The following RFESD variants were observed in gnomAD, a reference collection of about 807,000 sequenced individuals.
The protein encoded by RFESD is Rieske Fe-S domain containing.
In RFESD, 16 loss-of-function variants were observed where a neutral mutation model predicts 24.4. The ratio of observed to expected loss-of-function variants is 0.66; its 90% confidence interval spans 0.44 to 1.00. The LOEUF (loss-of-function observed/expected upper bound fraction) is 1.00. Among genes scored for constraint, RFESD ranks in the 50% least tolerant of loss-of-function variants. The pLI is 0.00. For synonymous variants in RFESD, 59 were observed against 81.8 expected (o/e 0.72, Z 1.50); for missense variants, 208 against 247.0 (o/e 0.84, Z 1.06).
At chr5:95,649,024 TC>T (rs1400322911) in intron 1 of RFESD, among the ~76,000 whole-genome samples, 1 of 151,856 alleles carries the variant, frequency 6.6e-6, no homozygotes, top group Non-Finnish European at 1.5e-5. Context: ...ACAGGCACAT[TC>T]TCTGAGGATA....
chr5:95,656,369 C>G lies in RFESD; in HGVS notation c.*60C>G. On this transcript the variant is annotated 3_prime_UTR_variant, in exon 6 of 6. Transcript: ENST00000380005. ...GCTTGAAAACATTTTTAGAATAACT[C>G]TGCTTCAGTTTTAAAGGTGATGAAA... is the stretch of plus-strand genomic sequence containing the variant. 2 of 1,377,430 alleles carry G rather than the reference C, an allele frequency of 1.5e-6. No individual in the cohort carries two copies. Among genetic ancestry groups the G allele is most frequent in the South Asian group, 1.4e-5 (1 of 73,732 alleles). The allele number at this position is 1,377,430 out of a possible 1,614,324, so 85.3% of individuals were successfully genotyped here.
At chr5:95,650,304 ATGTG>A (rs763379132) in intron 1 of RFESD, among the ~76,000 whole-genome samples, 27 of 152,194 alleles carry the variant, frequency 1.8e-4, no homozygotes, top group Admixed American at 1.1e-3. Context: ...TCTAAGTTTG[ATGTG>A]TGTAATGCCT....
rs938369279 is a variant in RFESD at position 95,652,222 on chromosome 5, C to G, written c.-50C>G. ...TTCATTTGATTAGCAATAGATTGGA[C>G]ACTCTACTGATCTTGCCTCTCTACA... On this transcript the variant is annotated 5_prime_UTR_variant, in exon 2 of 6. Coordinates refer to ENST00000380005, the MANE Select transcript of RFESD (RefSeq NM_001131066.2). 6.6e-7 allele frequency: 1 copy of G among 1,523,996 alleles called. No homozygotes were observed. Among genetic ancestry groups the G allele is most frequent in the Non-Finnish European group, 8.9e-7 (1 of 1,129,268 alleles). 94.4% of individuals were successfully genotyped at this position (1,523,996 alleles called of 1,614,324 possible).
Position 95,649,146 on chromosome 5 carries a change from A to G in RFESD, c.-136+2329A>G, listed in dbSNP as rs542729188. On this transcript the variant is annotated intron_variant, in intron 1 of 5. Transcript: ENST00000380005. ...AGAATAATTTTAATTATAAGAAAAA[A>G]GTAAATACTTTTAGACATTTAAGAA... 2.0e-5 allele frequency among the ~76,000 whole-genome samples: 3 copies of G among 152,288 alleles called. No individual in the cohort carries two copies. In the East Asian group the frequency reaches 5.8e-4, roughly 29 times the overall value.
intron 1 of RFESD, chr5:95,647,058 T>A (rs1295974794): frequency 6.6e-6 from 1 of 152,204 alleles, no homozygotes; most frequent in Non-Finnish European, 1.5e-5. Context: ...ACCTGCCACC[T>A]AAGGGGGGTA....
chr5:95,652,169 A>G lies in RFESD; in HGVS notation c.-103A>G. ...CCTATTTGCAATTCAAGGAGAATAT[A>G]AGACAGAGAAGAAAGCTGTGAATGA... is the stretch of plus-strand genomic sequence containing the variant. On this transcript the variant is annotated 5_prime_UTR_variant, in exon 2 of 6. It adds an upstream start codon to the 5' untranslated region. Transcript: ENST00000380005. 1 of 1,409,794 alleles carries G rather than the reference A, an allele frequency of 7.1e-7. No homozygotes were observed. Among genetic ancestry groups the G allele is most frequent in the Non-Finnish European group, 9.4e-7 (1 of 1,060,474 alleles). The allele number at this position is 1,409,794 out of a possible 1,614,324, so 87.3% of individuals were successfully genotyped here. A position where few individuals can be genotyped will look rare whatever the true frequency, so the allele number is the denominator to read the frequency against.
intron 5 of RFESD, chr5:95,655,382 A>G (rs1750684042): frequency 6.6e-6 from 1 of 152,206 alleles, no homozygotes; most frequent in Non-Finnish European, 1.5e-5. Context: ...TCAGTCCATA[A>G]TGAGAGCTTG....
chr5:95,652,303 C>G lies in RFESD; in HGVS notation c.32C>G (p.Pro11Arg). Residue 11 changes from proline to arginine, a missense_variant, in exon 2 of 6, where the codon CCT becomes CGT. Coordinates refer to ENST00000380005, the MANE Select transcript of RFESD (RefSeq NM_001131066.2). ...AAGTGTTTCAGGAATTGTCTTAGAC[C>G]TTCTTCCTTATCTACACTTCCTCTC... MLKCFRNCLR[P>R]SSLSTLPLQY... 6.4e-7 allele frequency: 1 copy of G among 1,550,552 alleles called. No individual in the cohort carries two copies.
intron 1 of RFESD, among the ~76,000 whole-genome samples, chr5:95,649,424 T>C (rs1295301763): frequency 6.6e-6 from 1 of 152,194 alleles, no homozygotes; most frequent in Non-Finnish European, 1.5e-5. Flanking sequence ...ATGGGTTTTG[T>C]GTTGTTTTTG....
In RFESD at chr5:95,654,002, T is replaced by C. The variant is rs1750542513; in HGVS notation, c.159-59T>C. On this transcript the variant is annotated intron_variant, in intron 3 of 5. Coordinates refer to ENST00000380005, the MANE Select transcript of RFESD (RefSeq NM_001131066.2). ...TATTCATTCTTAGGGTTATCTCCATTAAGCTGGAACCAAATTAGTGAATAC... is the reference window on the plus strand; with the variant it reads ...TATTCATTCTTAGGGTTATCTCCATCAAGCTGGAACCAAATTAGTGAATAC... 5.5e-6 allele frequency: 8 copies of C among 1,466,568 alleles called. No homozygotes were observed. The Admixed American group carries it at 1.5e-4, about 28-fold the overall frequency. The allele number at this position is 1,466,568 out of a possible 1,614,324, so 90.8% of individuals were successfully genotyped here. A position where few individuals can be genotyped will look rare whatever the true frequency, so the allele number is the denominator to read the frequency against.
In RFESD at chr5:95,652,321, T is replaced by G; in HGVS notation, c.50T>G (p.Leu17Arg). ...NCLRPSSLST[L>R]PLQYGILFPK... ...CTTAGACCTTCTTCCTTATCTACAC[T>G]TCCTCTCCAAGTGAGTCCATAGAAT... The change falls in exon 2 of 6, where the codon CTT becomes CGT. Residue 17 changes from leucine to arginine, a missense_variant. By Grantham distance (102) the Leu-to-Arg change is moderately radical. Transcript: ENST00000380005. The G allele has an allele frequency of 1.3e-6, 2 of 1,551,006 alleles. No individual in the cohort carries two copies. Among genetic ancestry groups the G allele is most frequent in the South Asian group, 1.2e-5 (1 of 83,942 alleles).
intron 1 of RFESD, among the ~76,000 whole-genome samples, chr5:95,648,733 C>T (rs910515213): frequency 1.3e-5 from 2 of 152,096 alleles, no homozygotes; most frequent in East Asian, 1.9e-4. Flanking sequence ...ACCAGTTTGT[C>T]GGGTTGGAGG....
intron 3 of RFESD, among the ~76,000 whole-genome samples, chr5:95,653,590 A>G (rs1299399658): frequency 6.6e-6 from 1 of 152,214 alleles, no homozygotes; most frequent in Non-Finnish European, 1.5e-5. Context: ...AGTAATGACT[A>G]CCTACTTAAT....
At chr5:95,651,235 G>C (rs1035201397) in intron 1 of RFESD, among the ~76,000 whole-genome samples, 11 of 151,982 alleles carry the variant, frequency 7.2e-5, no homozygotes, top group African/African-American at 2.7e-4. Context: ...TAACTCCTGT[G>C]AAATGCTACA....
intron 1 of RFESD, among the ~76,000 whole-genome samples, chr5:95,649,564 A>G (rs1750231198): frequency 6.6e-6 from 1 of 152,206 alleles, no homozygotes; most frequent in South Asian, 2.1e-4. Context: ...TGGTAGCACT[A>G]ATTTATGTTA....
intron 1 of RFESD, among the ~76,000 whole-genome samples, chr5:95,648,876 C>G (rs1389467892): frequency 8.1e-6 from 1 of 123,420 alleles, no homozygotes; most frequent in East Asian, 2.4e-4. Context: ...TATTTCGTTA[C>G]TTTTTGATAG....
chr5:95,655,420 A>G (rs1750686864), intron 5 of RFESD: 1 of 152,256 alleles, frequency 6.6e-6, no homozygotes, highest in South Asian at 2.1e-4. Context: ...ACTGTTGTCC[A>G]TAGACCAGCA....
At chr5:95,650,470 A>G (rs138351493) in intron 1 of RFESD, among the ~76,000 whole-genome samples, 2,181 of 152,344 alleles carry the variant, frequency 0.014, 27 homozygotes, top group Non-Finnish European at 0.019. Flanking sequence ...CACATGGCTC[A>G]GAACTATTTA....
At chr5:95,654,866 T>G (rs1750638638) in intron 5 of RFESD, among the ~76,000 whole-genome samples, 1 of 152,042 alleles carries the variant, frequency 6.6e-6, no homozygotes, top group Admixed American at 6.6e-5. Flanking sequence ...ACACTGTGCA[T>G]AATTTGAATT....
Sources: allele counts gnomAD v4.1 joint callset (sites outside exome capture counted in the v4.1 genomes callset), GRCh38; gene constraint gnomAD v4.1.1; transcripts MANE v1.5; gene names NCBI Gene and HGNC (gene_info 2026-07-23, HGNC 2026-07-21).